NRXN3: variants seen among roughly 807,000 people sequenced by gnomAD.
The protein encoded by NRXN3 is neurexin 3, also known as neurexin III.
NRXN3 carries 32 observed loss-of-function variants against 137.6 expected under a neutral mutation model. The ratio of observed to expected loss-of-function variants is 0.23; its 90% CI spans 0.18 to 0.31. NRXN3 has a LOEUF of 0.31. Among genes scored for constraint, NRXN3 ranks in the 10% least tolerant of loss-of-function variants. The pLI is 1.00. For synonymous variants in NRXN3, 798 were observed against 784.5 expected (o/e 1.02, Z -0.29); for missense variants, 1,574 against 2,062.5 (o/e 0.76, Z 4.59).
intron 16 of NRXN3, among the ~76,000 whole-genome samples, chr14:79,638,052 T>A (rs1206030545): frequency 6.6e-6 from 1 of 152,054 alleles, no homozygotes; most frequent in Non-Finnish European, 1.5e-5. Context: ...TCCTATATTA[T>A]ACGTGCCCAT....
intron 15 of NRXN3, among the ~76,000 whole-genome samples, chr14:79,258,863 T>G (rs1390673214): frequency 6.6e-6 from 1 of 152,198 alleles, no homozygotes; most frequent in Non-Finnish European, 1.5e-5. Flanking sequence ...TGTGATTAAG[T>G]GAAGGTAGCA....
intron 15 of NRXN3, among the ~76,000 whole-genome samples, chr14:79,088,537 C>G (rs1329248514): frequency 7.1e-6 from 1 of 139,918 alleles, no homozygotes; most frequent in African/African-American, 3.3e-5. Context: ...TAATTATCCT[C>G]CTTAAGAAAA....
chr14:78,290,704 C>G (rs2075726364), intron 3 of NRXN3, among the ~76,000 whole-genome samples: 1 of 152,172 alleles, frequency 6.6e-6, no homozygotes, highest in Admixed American at 6.5e-5. Flanking sequence ...AAACATTCTT[C>G]TCAATCCCAC....
intron 4 of NRXN3, among the ~76,000 whole-genome samples, chr14:78,357,681 A>G (rs2084520171): frequency 6.6e-6 from 1 of 152,234 alleles, no homozygotes. Flanking sequence ...GGCATGGAAT[A>G]GTTAAGCTAG....
chr14:78,823,008 G>C (rs1596236884), intron 10 of NRXN3, among the ~76,000 whole-genome samples: 1 of 152,060 alleles, frequency 6.6e-6, no homozygotes, highest in African/African-American at 2.4e-5. Flanking sequence ...AGCTCTATAG[G>C]CATATTAGTG....
At chr14:79,854,042 T>C in intron 20 of NRXN3, 1 of 984,838 alleles carries the variant, frequency 1.0e-6, no homozygotes, top group Non-Finnish European at 1.2e-6. Flanking sequence ...TCATCCTCTG[T>C]TGTAAATTAT....
chr14:78,973,353 G>A (rs1357230504), intron 14 of NRXN3, among the ~76,000 whole-genome samples: 1 of 152,170 alleles, frequency 6.6e-6, no homozygotes, highest in Non-Finnish European at 1.5e-5. Flanking sequence ...TTCTGGATCA[G>A]GGAGGTCATT....
chr14:79,599,331 T>C (rs551158432), intron 16 of NRXN3, among the ~76,000 whole-genome samples: 2 of 152,342 alleles, frequency 1.3e-5, no homozygotes, highest in African/African-American at 4.8e-5. Flanking sequence ...TAAGCATCTG[T>C]GTTGTGATTC....
chr14:78,226,043 G>GC (rs1484575061), intron 1 of NRXN3, among the ~76,000 whole-genome samples: 2 of 148,206 alleles, frequency 1.3e-5, no homozygotes, highest in African/African-American at 4.9e-5. Context: ...TTGCTCTGTC[G>GC]CCCAGGCTAG....
chr14:78,858,816 T>C (rs2099064535), intron 10 of NRXN3, among the ~76,000 whole-genome samples: 1 of 152,208 alleles, frequency 6.6e-6, no homozygotes, highest in Non-Finnish European at 1.5e-5. Flanking sequence ...CCACAACAAA[T>C]ATGTGAGCTC....
chr14:78,875,276 G>A (rs2099111375), intron 10 of NRXN3, among the ~76,000 whole-genome samples: 2 of 152,298 alleles, frequency 1.3e-5, no homozygotes, highest in South Asian at 4.1e-4. Context: ...CTGCAAACTT[G>A]CTAATTAGTC....
At chr14:78,725,128 A>C (rs1422005896) in intron 8 of NRXN3, among the ~76,000 whole-genome samples, 1 of 152,230 alleles carries the variant, frequency 6.6e-6, no homozygotes, top group Non-Finnish European at 1.5e-5. Flanking sequence ...TGCGATTAGC[A>C]TGTTCCCCCT....
intron 4 of NRXN3, among the ~76,000 whole-genome samples, chr14:78,595,627 T>C (rs944025214): frequency 2.0e-4 from 30 of 152,252 alleles, no homozygotes; most frequent in Non-Finnish European, 4.1e-4. Flanking sequence ...TCTTGGCTTC[T>C]GTAGACATTG....
chr14:79,671,185 C>T (rs2098605950), intron 17 of NRXN3, among the ~76,000 whole-genome samples: 1 of 152,112 alleles, frequency 6.6e-6, no homozygotes, highest in Non-Finnish European at 1.5e-5. Context: ...AGATTAGGAA[C>T]AGTCTATGGG....
At chr14:79,852,315 C>T (rs1311326093) in intron 20 of NRXN3, among the ~76,000 whole-genome samples, 1 of 149,884 alleles carries the variant, frequency 6.7e-6, no homozygotes, top group African/African-American at 2.4e-5. Flanking sequence ...GGCAAGAAGC[C>T]TTCAGATGTC....
At chr14:79,142,048 A>T (rs1260581338) in intron 15 of NRXN3, among the ~76,000 whole-genome samples, 1 of 152,130 alleles carries the variant, frequency 6.6e-6, no homozygotes, top group Admixed American at 6.5e-5. Flanking sequence ...AAGCAATGAG[A>T]TTCTTTTGGG....
At chr14:78,965,331 C>T (rs535775263) in intron 11 of NRXN3, among the ~76,000 whole-genome samples, 1 of 152,234 alleles carries the variant, frequency 6.6e-6, no homozygotes, top group East Asian at 1.9e-4. Context: ...GGGCCTAAGC[C>T]CCCCAGGTGA....
chr14:79,861,717 G>C lies in NRXN3; in HGVS notation c.4469G>C (p.Arg1490Pro). 1 of 1,614,134 alleles carries C rather than the reference G, an allele frequency of 6.2e-7. No individual in the cohort carries two copies. Among genetic ancestry groups the C allele is most frequent in the Non-Finnish European group, 8.5e-7 (1 of 1,180,030 alleles). The change falls in exon 21 of 21, where the codon CGG (arginine) becomes CCG (proline). Residue 1490 changes from arginine (R) to proline (P), a missense_variant. Transcript: ENST00000335750. The surrounding 1 kb of genome is among the most constrained non-coding windows in gnomAD (Gnocchi z 5.4). Reference sequence around the variant, plus strand: ...GTTCCGGGGGCCTCAGAGGTGATCCGGGAGTCGAGCAGCACAACAGGGATG... The same window carrying C: ...GTTCCGGGGGCCTCAGAGGTGATCCCGGAGTCGAGCAGCACAACAGGGATG... ...RRVPGASEVI[R>P]ESSSTTGMVV...
intron 10 of NRXN3, among the ~76,000 whole-genome samples, chr14:78,812,653 G>C (rs750500723): frequency 3.5e-4 from 53 of 152,110 alleles, no homozygotes; most frequent in Admixed American, 3.9e-4. Flanking sequence ...TTCTTAATCT[G>C]ATAAAATATT....
Sources: gnomAD v4.1 joint callset for allele counts (sites outside exome capture counted in the v4.1 genomes callset) on GRCh38, gnomAD v4.1.1 for gene constraint, Gnocchi (gnomAD v3.1) non-coding constraint, MANE v1.5 for transcripts, NCBI Gene and HGNC (gene_info 2026-07-23, HGNC 2026-07-21) for gene names.